IL17RD: variants seen among roughly 807,000 people sequenced by gnomAD.
IL17RD encodes interleukin-17 receptor D.
In IL17RD, 52 loss-of-function variants were observed where a neutral mutation model predicts 80.5. The observed-to-expected ratio is 0.65, with a 90% CI of 0.52 to 0.81. IL17RD has a LOEUF of 0.81. Ranked by LOEUF, IL17RD falls within the 40% of genes least tolerant of loss-of-function variation. The pLI, the probability that IL17RD is intolerant of heterozygous loss-of-function variation, is 0.00. For synonymous variants in IL17RD, 416 were observed against 391.8 expected, an observed-to-expected ratio of 1.06 and a Z score of -0.73; for missense variants, 1,024 against 955.1, an observed-to-expected ratio of 1.07 and a Z score of -0.95.
At chr3:57,127,374 AT>A (rs1559477316) in intron 1 of IL17RD, among the ~76,000 whole-genome samples, 1 of 99,584 alleles carries the variant, frequency 1.0e-5, no homozygotes, top group Non-Finnish European at 1.8e-5. Flanking sequence ...AAATATATAT[AT>A]ATAAATAAAT....
At chr3:57,165,516 T>C (rs1346055979), upstream of IL17RD, 1 of 208,202 alleles carries the variant, frequency 4.8e-6, no homozygotes, top group East Asian at 1.2e-4. Context: ...GCCCCTCTGG[T>C]CACGCCCCCC....
intron 1 of IL17RD, among the ~76,000 whole-genome samples, chr3:57,123,899 A>T (rs938575140): frequency 3.9e-5 from 6 of 152,034 alleles, no homozygotes; most frequent in African/African-American, 1.4e-4. Flanking sequence ...CAAAAAATTA[A>T]CTGGGTGTAA....
intron 2 of IL17RD, among the ~76,000 whole-genome samples, chr3:57,117,939 A>C (rs1410418512): frequency 1.3e-5 from 2 of 152,238 alleles, no homozygotes; most frequent in African/African-American, 4.8e-5. Flanking sequence ...GTAATGACTA[A>C]GAGACAGGCA....
At position 57,097,771 on chromosome 3, in the gene IL17RD, T is replaced by C; in HGVS notation, c.1932A>G (p.Gln644=). ...RPALDGSAAL[Q]PLLHTVKAGS... is the part of the protein sequence containing the mutation. ...CGGCTTTCACCGTGTGCAGCAGGGG[T>C]TGCAGGGCGGCGCTACCGTCAAGGG... Residue 644 remains glutamine, a synonymous_variant, in exon 12 of 13, where the codon CAA becomes CAG. Transcript: ENST00000296318. 2 of 1,602,806 alleles carry C rather than the reference T, an allele frequency of 1.2e-6. No individual in the cohort carries two copies. The highest frequency in any genetic ancestry group is 1.7e-6 in the Non-Finnish European group (2 of 1,174,164).
chr3:57,110,082 GTGGGGTGGACCC>G, intron 4 of IL17RD, 99 bp downstream of exon 4: 1 of 1,259,078 alleles, frequency 7.9e-7, no homozygotes, highest in East Asian at 2.5e-5. Flanking sequence ...ACCTTGGCGG[GTGGGGTGGACCC>G]CATAGCCCCT....
At chr3:57,163,246 C>T (rs78967244) in intron 1 of IL17RD, among the ~76,000 whole-genome samples, 21,617 of 152,126 alleles carry the variant, frequency 0.14, 2,063 homozygotes, top group South Asian at 0.34. Flanking sequence ...CCCAAGGAAA[C>T]GATTGGTGGG....
chr3:57,135,575 C>T lies in IL17RD; in HGVS notation c.127-15262G>A, dbSNP rs139596215. On this transcript the variant is annotated intron_variant, in intron 1 of 12. Coordinates refer to ENST00000296318, the MANE Select transcript of IL17RD (RefSeq NM_017563.5). ...AGACTCTTCCAGACGGTCTTTACTG[C>T]CTGCATCACATGGACTGTGACTTGA... Among the ~76,000 whole-genome samples, 501 of 152,324 alleles carry T rather than the reference C, an allele frequency of 3.3e-3. 3 individuals carry two copies. The highest frequency in any genetic ancestry group is 4.9e-3 in the Non-Finnish European group (331 of 68,032).
At chr3:57,104,038 CAA>C (rs1227482657) in intron 8 of IL17RD, among the ~76,000 whole-genome samples, 2 of 151,216 alleles carry the variant, frequency 1.3e-5, no homozygotes, top group Non-Finnish European at 2.9e-5. Context: ...CATACTAAAA[CAA>C]AAAAAATTTA....
At position 57,097,620 on chromosome 3, in the gene IL17RD, T is replaced by A; in HGVS notation, c.2083A>T (p.Ser695Cys). ...DQTETSSLTE[S>C]VSSSSGLGEE... ...CCCAGGCCTGAAGAGGAGGACACGC[T>A]CTCCGTCAGGGAAGACGTTTCTGTC... The change falls in exon 12 of 13, where the codon AGC (serine) becomes TGC (cysteine). Residue 695 changes from serine (S) to cysteine (C), a missense_variant. By Grantham distance (112) the Ser-to-Cys change is moderately radical. Transcript: ENST00000296318. The A allele has an allele frequency of 2.5e-6, 4 of 1,582,806 alleles. No homozygotes were observed. Among genetic ancestry groups the A allele is most frequent in the Non-Finnish European group, 2.6e-6 (3 of 1,164,828 alleles).
chr3:57,094,007 G>A lies in IL17RD; in HGVS notation c.*2386C>T, dbSNP rs776335170. The stretch of plus-strand genomic sequence containing the variant: ...CAAGCCTTTTACTCTCAGGATCAAG[G>A]CCTCTCATGGAGATCATCCTGTTTT... On this transcript the variant is annotated 3_prime_UTR_variant, in exon 13 of 13. Transcript: ENST00000296318. The A allele has an allele frequency of 5.3e-5, 8 of 152,188 alleles. No individual in the cohort carries two copies. Among genetic ancestry groups the A allele is most frequent in the Non-Finnish European group, 1.2e-4 (8 of 68,042 alleles). The allele number at this position is 152,188 out of a possible 1,614,324, so 9.4% of individuals were successfully genotyped here.
intron 7 of IL17RD, among the ~76,000 whole-genome samples, chr3:57,105,551 AAAT>A (rs1459203344): frequency 9.0e-6 from 1 of 110,826 alleles, no homozygotes; most frequent in African/African-American, 4.5e-5. Context: ...AAAAAAAAAA[AAAT>A]ATATATATAT....
chr3:57,165,209 G>A lies in IL17RD; in HGVS notation c.78C>T (p.Ala26=), dbSNP rs1477358552. ...CCCGCGCGCGGCCGGACCCGCCAGC[G>A]GCCACAGCCAGCTGCGAGCCGTTGA... ...ACLNGSQLAV[A]AGGSGRARGA... The change falls in exon 1 of 13, where the codon GCC becomes GCT. Residue 26 remains alanine, a synonymous_variant. Coordinates refer to ENST00000296318, the MANE Select transcript of IL17RD (RefSeq NM_017563.5). 1.4e-5 allele frequency: 21 copies of A among 1,530,940 alleles called. No individual in the cohort carries two copies. The allele number at this position is 1,530,940 out of a possible 1,614,324, so 94.8% of individuals were successfully genotyped here.
At chr3:57,146,027 A>ACG (rs199928524) in intron 1 of IL17RD, among the ~76,000 whole-genome samples, 68 of 128,142 alleles carry the variant, frequency 5.3e-4, no homozygotes, top group Non-Finnish European at 1.3e-4. Context: ...GCACACACAC[A>ACG]CTCACGCGCG....
At chr3:57,150,840 C>A (rs1034098977) in intron 1 of IL17RD, among the ~76,000 whole-genome samples, 3 of 152,206 alleles carry the variant, frequency 2.0e-5, no homozygotes, top group African/African-American at 7.2e-5. Flanking sequence ...TCTCAGAAAA[C>A]CTCCTCTGCT....
At chr3:57,124,354 G>A (rs1457681383) in intron 1 of IL17RD, among the ~76,000 whole-genome samples, 3 of 152,120 alleles carry the variant, frequency 2.0e-5, no homozygotes, top group Non-Finnish European at 4.4e-5. Context: ...ATGTAATTAA[G>A]TTCAAGTATC....
chr3:57,145,052 C>T (rs1324234199), intron 1 of IL17RD, among the ~76,000 whole-genome samples: 1 of 152,154 alleles, frequency 6.6e-6, no homozygotes, highest in Non-Finnish European at 1.5e-5. Flanking sequence ...GATCAACTGT[C>T]AAACAAACTA....
chr3:57,106,493 G>A (rs905101244), intron 5 of IL17RD, among the ~76,000 whole-genome samples: 10 of 152,216 alleles, frequency 6.6e-5, no homozygotes, highest in African/African-American at 2.4e-4. Flanking sequence ...TGGAGGCTCT[G>A]TTTCAGCTGT....
At chr3:57,131,115 T>G (rs1374562270) in intron 1 of IL17RD, among the ~76,000 whole-genome samples, 1 of 152,164 alleles carries the variant, frequency 6.6e-6, no homozygotes, top group Non-Finnish European at 1.5e-5. Context: ...TTAACAAGCA[T>G]GTGAACAAGC....
At position 57,097,929 on chromosome 3, in the gene IL17RD, T is replaced by A. The variant is rs1411156370; in HGVS notation, c.1774A>T (p.Met592Leu). ...FDSGLVLNDV[M>L]CKPGPESDFC... ...TCACTCTCAGGCCCTGGTTTGCACATGACATCATTTAAAACCAAGCCCGAA... is the reference window on the plus strand; with the variant it reads ...TCACTCTCAGGCCCTGGTTTGCACAAGACATCATTTAAAACCAAGCCCGAA... The change falls in exon 12 of 13, where the codon ATG becomes TTG. Residue 592 changes from methionine to leucine, a missense_variant. Coordinates refer to ENST00000296318, the MANE Select transcript of IL17RD (RefSeq NM_017563.5). 1 of 1,614,018 alleles carries A rather than the reference T, an allele frequency of 6.2e-7. No individual in the cohort carries two copies. Among genetic ancestry groups the A allele is most frequent in the Non-Finnish European group, 8.5e-7 (1 of 1,179,894 alleles).
Sources: allele counts gnomAD v4.1 joint callset (sites outside exome capture counted in the v4.1 genomes callset), GRCh38; gene constraint gnomAD v4.1.1; transcripts MANE v1.5; gene names NCBI Gene and HGNC (gene_info 2026-07-23, HGNC 2026-07-21).